Variants in SLC35F1 observed in about 807,000 individuals in gnomAD.
The protein encoded by SLC35F1 is solute carrier family 35 member F1, also known as chromosome 6 open reading frame 169.
In SLC35F1, 14 loss-of-function variants were observed where a neutral mutation model predicts 48.7. The ratio of observed to expected loss-of-function variants is 0.29; its 90% CI spans 0.19 to 0.45. The LOEUF (loss-of-function observed/expected upper bound fraction) is 0.45, where lower values mean the gene tolerates loss of function less well. Among genes scored for constraint, SLC35F1 ranks in the 20% least tolerant of loss-of-function variants. The pLI, the probability that SLC35F1 is intolerant of heterozygous loss-of-function variation, is 1.00. For missense variants in SLC35F1, 404 were observed against 500.0 expected, an observed-to-expected ratio of 0.81 and a Z score of 1.83; for synonymous variants, 190 against 202.2, an observed-to-expected ratio of 0.94 and a Z score of 0.51.
intron 7 of SLC35F1, among the ~76,000 whole-genome samples, chr6:118,299,974 G>C (rs922099507): frequency 5.3e-5 from 8 of 152,152 alleles, no homozygotes; most frequent in Admixed American, 3.3e-4. Context: ...AAATGAAATA[G>C]TACATGTAAA....
rs73525877 is a variant in SLC35F1, at chr6:118,236,775, G to A, written c.477+1139G>A. Among the ~76,000 whole-genome samples the A allele has an allele frequency of 9.6e-3, 1,466 of 152,278 alleles. 19 individuals are homozygous for A. The highest frequency in any genetic ancestry group is 0.033 in the African/African-American group (1,380 of 41,552). Reference sequence around the variant, plus strand: ...TGATAAGGGAGACCTGAGCCTGCCCGGTCACTTTAATCCTTAGCACCCTGT... The same window carrying A: ...TGATAAGGGAGACCTGAGCCTGCCCAGTCACTTTAATCCTTAGCACCCTGT... On this transcript the variant is annotated intron_variant, in intron 3 of 7. Transcript: ENST00000360388.
chr6:117,938,650 A>G (rs1410745617), intron 1 of SLC35F1, among the ~76,000 whole-genome samples: 1 of 152,196 alleles, frequency 6.6e-6, no homozygotes, highest in African/African-American at 2.4e-5. Context: ...GGGAAGGAAG[A>G]TGTTTTCTTC....
intron 1 of SLC35F1, among the ~76,000 whole-genome samples, chr6:118,132,956 A>G (rs1046484299): frequency 6.6e-6 from 1 of 152,110 alleles, no homozygotes; most frequent in Non-Finnish European, 1.5e-5. Flanking sequence ...CTTCTAGAGG[A>G]AGGCATGGAG....
intron 1 of SLC35F1, among the ~76,000 whole-genome samples, chr6:118,033,018 T>G (rs1772076652): frequency 6.6e-6 from 1 of 152,174 alleles, no homozygotes; most frequent in Non-Finnish European, 1.5e-5. Flanking sequence ...GATGACATCT[T>G]TTCTTCAAGT....
At chr6:118,278,757 C>T (rs1019178075) in intron 6 of SLC35F1, among the ~76,000 whole-genome samples, 9 of 152,354 alleles carry the variant, frequency 5.9e-5, no homozygotes. Flanking sequence ...TGACCCACAA[C>T]ACCAGAAAAC....
At position 117,916,948 on chromosome 6, in the gene SLC35F1, C is replaced by T. The variant is rs531925314; in HGVS notation, c.173+9049C>T. Among the ~76,000 whole-genome samples, 13 of 152,294 alleles carry T rather than the reference C, an allele frequency of 8.5e-5. No homozygotes were observed. The East Asian group carries it at 2.1e-3, about 25-fold the overall frequency. On this transcript the variant is annotated intron_variant, in intron 1 of 7. Transcript: ENST00000360388. The stretch of plus-strand genomic sequence containing the variant: ...ACTTCGGGAAACAAAGCAGAAAAGA[C>T]CTCCACTCTCATGGAGACTACATTC...
At chr6:118,164,943 T>G (rs1293396853) in intron 2 of SLC35F1, among the ~76,000 whole-genome samples, 1 of 152,122 alleles carries the variant, frequency 6.6e-6, no homozygotes, top group Non-Finnish European at 1.5e-5. Flanking sequence ...CATGACTAAT[T>G]CCTAAATGCA....
chr6:118,019,247 A>G (rs1015395056), intron 1 of SLC35F1, among the ~76,000 whole-genome samples: 1 of 151,886 alleles, frequency 6.6e-6, no homozygotes, highest in African/African-American at 2.4e-5. Flanking sequence ...CCACCTATCT[A>G]TATATATTTT....
chr6:118,107,590 A>G (rs1773343106), intron 1 of SLC35F1, among the ~76,000 whole-genome samples: 1 of 152,180 alleles, frequency 6.6e-6, no homozygotes, highest in South Asian at 2.1e-4. Flanking sequence ...ACAATATTTT[A>G]GTTGGATCAT....
chr6:117,919,926 G>C (rs1405036304), intron 1 of SLC35F1, among the ~76,000 whole-genome samples: 1 of 152,094 alleles, frequency 6.6e-6, no homozygotes, highest in African/African-American at 2.4e-5. Context: ...TCTTGAACTG[G>C]GGAGATTACA....
chr6:117,966,462 G>A (rs1295968290), intron 1 of SLC35F1, among the ~76,000 whole-genome samples: 7 of 151,512 alleles, frequency 4.6e-5, no homozygotes, highest in Admixed American at 2.0e-4. Flanking sequence ...CTCGGGATGC[G>A]CTGCCTTTAT....
intron 1 of SLC35F1, among the ~76,000 whole-genome samples, chr6:118,153,043 T>C (rs1198846640): frequency 6.6e-6 from 1 of 152,200 alleles, no homozygotes; most frequent in Non-Finnish European, 1.5e-5. Context: ...ACCACAACTT[T>C]TCCTCCTCAT....
In SLC35F1 at chr6:118,275,386, T is replaced by G. The variant is rs1029954931; in HGVS notation, c.638-73T>G. 38 of 1,495,350 alleles carry G rather than the reference T, an allele frequency of 2.5e-5. No homozygotes were observed. In the South Asian group the frequency reaches 4.9e-4, roughly 19 times the overall value. 92.6% of individuals were successfully genotyped at this position (1,495,350 alleles called of 1,614,324 possible). A position where few individuals can be genotyped will look rare whatever the true frequency, so the allele number is the denominator to read the frequency against. On this transcript the variant is annotated intron_variant, in intron 4 of 7. Coordinates refer to ENST00000360388, the MANE Select transcript of SLC35F1 (RefSeq NM_001029858.4). ...ATAGAATAGGCAAGGGAAGCTCAAT[T>G]TGCCGATGCCAGATTCTTGTTAAGA...
intron 1 of SLC35F1, among the ~76,000 whole-genome samples, chr6:117,923,785 A>ATATG: frequency 1.3e-5 from 1 of 78,920 alleles, no homozygotes; most frequent in Non-Finnish European, 2.5e-5. Context: ...GTATATATAC[A>ATATG]TATATGTACA....
At chr6:118,086,512 G>A (rs889410561) in intron 1 of SLC35F1, among the ~76,000 whole-genome samples, 2 of 152,122 alleles carry the variant, frequency 1.3e-5, no homozygotes, top group Non-Finnish European at 2.9e-5. Context: ...CTCATTCCTG[G>A]TTCTTCAATC....
intron 1 of SLC35F1, among the ~76,000 whole-genome samples, chr6:118,083,128 A>G (rs1284676549): frequency 6.6e-6 from 1 of 152,220 alleles, no homozygotes; most frequent in Non-Finnish European, 1.5e-5. Context: ...GTGGGGAGTC[A>G]CACACTAGGC....
At chr6:118,049,195 C>A (rs79924771) in intron 1 of SLC35F1, among the ~76,000 whole-genome samples, 2,213 of 152,240 alleles carry the variant, frequency 0.015, 62 homozygotes, top group African/African-American at 0.05. Flanking sequence ...CTTCCTTACA[C>A]CTTATACAAA....
chr6:118,049,259 C>T (rs1562274533), intron 1 of SLC35F1, among the ~76,000 whole-genome samples: 1 of 152,052 alleles, frequency 6.6e-6, no homozygotes, highest in African/African-American at 2.4e-5. Context: ...ACCATAAAAA[C>T]CCTAGAAGAA....
Position 118,058,157 on chromosome 6 carries a change from C to T in SLC35F1, c.174-96288C>T, listed in dbSNP as rs148732610. Among the ~76,000 whole-genome samples, 523 of 152,078 alleles carry T rather than the reference C, an allele frequency of 3.4e-3. 2 individuals carry two copies. The highest frequency in any genetic ancestry group is 0.01 in the African/African-American group (431 of 41,492). ...TATAATATAATGGCACATATTTATA[C>T]ACATAGAATGTAGGAATAAATGCAT... is the stretch of plus-strand genomic sequence containing the variant. On this transcript the variant is annotated intron_variant, in intron 1 of 7. Transcript: ENST00000360388.
Sources: allele counts gnomAD v4.1 joint callset (sites outside exome capture counted in the v4.1 genomes callset), GRCh38; gene constraint gnomAD v4.1.1; transcripts MANE v1.5; gene names NCBI Gene and HGNC (gene_info 2026-07-23, HGNC 2026-07-21).